FGF1: variants seen among roughly 807,000 people sequenced by gnomAD.
FGF1 encodes the protein fibroblast growth factor 1, also known as beta-endothelial cell growth factor.
In FGF1, 9 loss-of-function variants were observed where a neutral mutation model predicts 13.4. The ratio of observed to expected loss-of-function variants is 0.67; its 90% CI spans 0.40 to 1.17. FGF1 has a LOEUF of 1.17. Ranked by LOEUF, FGF1 falls within the 50% of genes most tolerant of loss-of-function variation. The pLI is 0.01. For missense variants in FGF1, 156 were observed against 192.7 expected (o/e 0.81, Z 1.13); for synonymous variants, 93 against 79.0 (o/e 1.18, Z -0.94).
chr5:142,600,787 G>A lies in FGF1; in HGVS notation c.188C>T (p.Ala63Val), dbSNP rs775873647. 1.2e-6 allele frequency: 2 copies of A among 1,612,220 alleles called. No individual in the cohort carries two copies. The highest frequency in any genetic ancestry group is 1.7e-6 in the Non-Finnish European group (2 of 1,178,818). The change falls in exon 3 of 4, where the codon GCG becomes GTG. Residue 63 changes from alanine to valine, a missense_variant. Physicochemically the swap from Ala to Val is moderately conservative, Grantham distance 64. Coordinates refer to ENST00000337706, the MANE Select transcript of FGF1 (RefSeq NM_000800.5). ...TATATACACCTCCCCCACGCTTTCC[G>A]CACTGAGCTGCAGCTGAACTGGAAT... ...SDQHIQLQLS[A>V]ESVGEVYIKS...
chr5:142,641,705 C>T (rs2151951480), intron 1 of FGF1, among the ~76,000 whole-genome samples: 1 of 151,912 alleles, frequency 6.6e-6, no homozygotes, highest in South Asian at 2.1e-4. Context: ...GTGTTATTTC[C>T]ATTTTTACAG....
intron 1 of FGF1, among the ~76,000 whole-genome samples, chr5:142,650,365 A>T (rs558337272): frequency 6.6e-6 from 1 of 152,306 alleles, no homozygotes; most frequent in African/African-American, 2.4e-5. Context: ...GTAGTTTAAA[A>T]CGAGGTCTGT....
intron 2 of FGF1, among the ~76,000 whole-genome samples, chr5:142,610,670 G>A (rs73795027): frequency 1.1e-3 from 171 of 152,278 alleles, no homozygotes; most frequent in African/African-American, 3.9e-3. Flanking sequence ...GCATGGCAGC[G>A]TAACCAATGT....
upstream of FGF1, among the ~76,000 whole-genome samples, chr5:142,689,256 G>A (rs1471361538): frequency 6.6e-6 from 1 of 152,094 alleles, no homozygotes; most frequent in Non-Finnish European, 1.5e-5. Flanking sequence ...ATCTTAATCA[G>A]CTGACGGGAG....
At chr5:142,621,806 C>T (rs538734258) in intron 1 of FGF1, among the ~76,000 whole-genome samples, 1 of 152,294 alleles carries the variant, frequency 6.6e-6, no homozygotes, top group South Asian at 2.1e-4. Context: ...TGATTCCCCC[C>T]ACCCTAGGAC....
chr5:142,663,341 T>C (rs1769650539), intron 1 of FGF1, among the ~76,000 whole-genome samples: 1 of 152,264 alleles, frequency 6.6e-6, no homozygotes, highest in South Asian at 2.1e-4. Context: ...ATTAATTTCT[T>C]GTTGAAGTAG....
At chr5:142,653,205 C>T (rs767325384) in intron 1 of FGF1, among the ~76,000 whole-genome samples, 1 of 152,216 alleles carries the variant, frequency 6.6e-6, no homozygotes, top group African/African-American at 2.4e-5. Context: ...TAAAAAGACA[C>T]ATCCGACCTG....
chr5:142,629,761 T>G (rs1339258088), intron 1 of FGF1, among the ~76,000 whole-genome samples: 1 of 151,008 alleles, frequency 6.6e-6, no homozygotes, highest in Non-Finnish European at 1.5e-5. Context: ...CTGTCTTTAT[T>G]ATTATTATTT....
At chr5:142,626,648 G>A (rs890508504) in intron 1 of FGF1, 1 of 152,242 alleles carries the variant, frequency 6.6e-6, no homozygotes, top group African/African-American at 2.4e-5. Flanking sequence ...AACTTTGCAA[G>A]TTCCTCCCCT....
chr5:142,693,608 G>A (rs1252140266), intron 2 of FGF1, among the ~76,000 whole-genome samples: 1 of 152,162 alleles, frequency 6.6e-6, no homozygotes, highest in African/African-American at 2.4e-5. Flanking sequence ...TTACAAAGTT[G>A]TGCGGCCATC....
chr5:142,687,198 C>T (rs1751391866), upstream of FGF1, among the ~76,000 whole-genome samples: 1 of 152,082 alleles, frequency 6.6e-6, no homozygotes, highest in African/African-American at 2.4e-5. Flanking sequence ...TAGAGAGGTA[C>T]AGATCGACCT....
At chr5:142,686,761 C>T (rs1473956962), upstream of FGF1, among the ~76,000 whole-genome samples, 1 of 152,174 alleles carries the variant, frequency 6.6e-6, no homozygotes, top group Non-Finnish European at 1.5e-5. Flanking sequence ...CAAAAGCCAT[C>T]CAGGTTGGGA....
At chr5:142,695,582 AAAAAG>A (rs983950068) in intron 2 of FGF1, among the ~76,000 whole-genome samples, 8 of 95,258 alleles carry the variant, frequency 8.4e-5, no homozygotes, top group African/African-American at 2.8e-4. Flanking sequence ...ACTCTGTATC[AAAAAG>A]AAAAAAAAAA....
intron 1 of FGF1, among the ~76,000 whole-genome samples, chr5:142,640,047 C>G (rs1460437340): frequency 6.6e-6 from 1 of 151,788 alleles, no homozygotes; most frequent in African/African-American, 2.4e-5. Context: ...ATACTGAACC[C>G]AAGTATGAGT....
At chr5:142,608,465 G>A (rs1030415421) in intron 2 of FGF1, among the ~76,000 whole-genome samples, 1 of 148,160 alleles carries the variant, frequency 6.7e-6, no homozygotes, top group Non-Finnish European at 1.5e-5. Flanking sequence ...GGGAAAAATC[G>A]AATTTGGGGG....
chr5:142,615,121 A>T (rs191536001), intron 1 of FGF1, among the ~76,000 whole-genome samples: 2 of 152,312 alleles, frequency 1.3e-5, no homozygotes, highest in East Asian at 3.9e-4. Context: ...TGGTTAAAAC[A>T]TATACTTGCC....
intron 1 of FGF1, among the ~76,000 whole-genome samples, chr5:142,666,538 C>G (rs927340675): frequency 7.3e-6 from 1 of 137,092 alleles, no homozygotes; most frequent in South Asian, 2.1e-4. Context: ...CTGACATGTT[C>G]CCCACAAAAA....
chr5:142,606,218 C>CTCTGTGTGTGTGTGTG (rs151219206), intron 2 of FGF1, among the ~76,000 whole-genome samples: 136 of 143,146 alleles, frequency 9.5e-4, no homozygotes, highest in Middle Eastern at 7.0e-3. Context: ...CTTTCTCTCT[C>CTCTGTGTGTGTGTGTG]TGTGTGTGTG....
At chr5:142,622,374 T>C (rs1318536616) in intron 1 of FGF1, among the ~76,000 whole-genome samples, 1 of 152,212 alleles carries the variant, frequency 6.6e-6, no homozygotes, top group Non-Finnish European at 1.5e-5. Flanking sequence ...GAACATCTTA[T>C]CAGACTACCT....
Sources: gnomAD v4.1 joint callset for allele counts (sites outside exome capture counted in the v4.1 genomes callset) on GRCh38, gnomAD v4.1.1 for gene constraint, MANE v1.5 for transcripts, NCBI Gene and HGNC (gene_info 2026-07-23, HGNC 2026-07-21) for gene names.